HOXA13: variants seen among roughly 807,000 people sequenced by gnomAD.
The protein encoded by HOXA13 is homeobox A13.
Under a neutral mutation model 25.7 loss-of-function variants are expected in HOXA13, and 5 were observed. That is an observed-to-expected ratio of 0.19 (90% CI 0.10 to 0.41). The LOEUF is 0.41. HOXA13 is among the 10% of genes least tolerant of loss of function. The pLI is 1.00. For missense variants in HOXA13, 557 were observed against 533.5 expected (o/e 1.04, Z -0.43); for synonymous variants, 284 against 241.1 (o/e 1.18, Z -1.65).
Position 27,196,443 on chromosome 7 carries a change from TTG to T in HOXA13, c.*1753_*1754del, listed in dbSNP as rs1269062848. 1.3e-5 allele frequency: 2 copies of T among 152,230 alleles called. No homozygotes were observed. The highest frequency in any genetic ancestry group is 2.9e-5 in the Non-Finnish European group (2 of 68,030). The allele number at this position is 152,230 out of a possible 1,614,324, so 9.4% of individuals were successfully genotyped here. On this transcript the variant is annotated 3_prime_UTR_variant, in exon 2 of 2. Coordinates refer to ENST00000649031, the MANE Select transcript of HOXA13 (RefSeq NM_000522.5). Reference sequence around the variant, plus strand: ...AGCTGTCAAAAGTCAAGGTCACAAATTGTCTTTTTTTTCGTCAAGGTCAAGGT... The same window carrying T: ...AGCTGTCAAAAGTCAAGGTCACAAATTCTTTTTTTTCGTCAAGGTCAAGGT...
Position 27,199,774 on chromosome 7 carries a change from C to T in HOXA13, c.304G>A (p.Ala102Thr). Residue 102 changes from alanine (A) to threonine (T), a missense_variant, in exon 1 of 2, where the codon GCG (alanine) becomes ACG (threonine). Ala to Thr is a moderately conservative substitution (Grantham distance 58). Coordinates refer to ENST00000649031, the MANE Select transcript of HOXA13 (RefSeq NM_000522.5). ...AHPAPLAPGA[A>T]SAYSSAPGEA... The stretch of plus-strand genomic sequence containing the variant: ...CCGGGGGCGCTGCTGTAGGCGGACG[C>T]GGCTCCTGGCGCCAAGGGCGCCGGG... The T allele has an allele frequency of 2.0e-6, 2 of 1,019,092 alleles. No homozygotes were observed. Among genetic ancestry groups the T allele is most frequent in the Non-Finnish European group, 2.4e-6 (2 of 845,874 alleles). The allele number at this position is 1,019,092 out of a possible 1,614,324, so 63.1% of individuals were successfully genotyped here.
chr7:27,198,999 G>A (rs1784045577), intron 1 of HOXA13, among the ~76,000 whole-genome samples, 157 bp downstream of exon 1: 1 of 152,174 alleles, frequency 6.6e-6, no homozygotes, highest in Non-Finnish European at 1.5e-5. Flanking sequence ...GGCAGTGCAG[G>A]CAGACCCAGC....
Position 27,197,925 on chromosome 7 carries a change from T to C in HOXA13, c.*273A>G. On this transcript the variant is annotated 3_prime_UTR_variant, in exon 2 of 2. Transcript: ENST00000649031. ...AGTAACTGCGTAACTTATCTGAAAT[T>C]GCGTATTTTGGGGGTTGACGTTTGA... is the stretch of plus-strand genomic sequence containing the variant. 3.9e-6 allele frequency: 2 copies of C among 507,556 alleles called. No homozygotes were observed. The highest frequency in any genetic ancestry group is 4.4e-5 in the South Asian group (2 of 45,760). 31.4% of individuals were successfully genotyped at this position (507,556 alleles called of 1,614,324 possible).
At chr7:27,198,812 A>G (rs1267636202) in intron 1 of HOXA13, 2 of 428,866 alleles carry the variant, frequency 4.7e-6, no homozygotes, top group South Asian at 5.2e-5. Context: ...CACTGAAGCC[A>G]TTTTTGAGAG....
Position 27,199,976 on chromosome 7 carries a change from G to A in HOXA13, c.102C>T (p.Asn34=). 1 of 1,457,516 alleles carries A rather than the reference G, an allele frequency of 6.9e-7. No individual in the cohort carries two copies. The highest frequency in any genetic ancestry group is 1.3e-5 in the South Asian group (1 of 78,686). 90.3% of individuals were successfully genotyped at this position (1,457,516 alleles called of 1,614,324 possible). The change falls in exon 1 of 2, where the codon AAC becomes AAT. Residue 34 remains asparagine, a synonymous_variant. Coordinates refer to ENST00000649031, the MANE Select transcript of HOXA13 (RefSeq NM_000522.5). The part of the protein sequence containing the change: ...GGLVADELNK[N]MEGAAAAAAA... ...CTGCAGCCGCCGCCGCCCCTTCCAT[G>A]TTCTTGTTGAGCTCGTCGGCCACCA... is the stretch of plus-strand genomic sequence containing the variant.
rs1278990005 is a variant in HOXA13, at chr7:27,199,887, G to A, written c.191C>T (p.Ala64Val). 1.4e-5 allele frequency: 15 copies of A among 1,074,886 alleles called. No individual in the cohort carries two copies. The East Asian group carries it at 7.6e-4, about 54-fold the overall frequency. The allele number at this position is 1,074,886 out of a possible 1,614,324, so 66.6% of individuals were successfully genotyped here. The change falls in exon 1 of 2, where the codon GCG (alanine) becomes GTG (valine). Residue 64 changes from alanine (A) to valine (V), a missense_variant. Ala to Val is a moderately conservative substitution (Grantham distance 64). Transcript: ENST00000649031. The part of the protein sequence containing the change: ...GGGGFPHPAA[A>V]AAGGNFSVAA... ...CACCGAGAAGTTGCCCCCTGCCGCCGCAGCCGCCGGGTGGGGGAAGCCCCC... is the reference window on the plus strand; with the variant it reads ...CACCGAGAAGTTGCCCCCTGCCGCCACAGCCGCCGGGTGGGGGAAGCCCCC...
Position 27,197,525 on chromosome 7 carries a change from A to T in HOXA13, c.*673T>A, listed in dbSNP as rs1784017461. ...AATTAAAAATTATTCTTAAAAAGAC[A>T]TTACCGACCCGGGTTCTCTTGTAGC... On this transcript the variant is annotated 3_prime_UTR_variant, in exon 2 of 2. Transcript: ENST00000649031. 9.3e-6 allele frequency: 2 copies of T among 214,142 alleles called. No individual in the cohort carries two copies. Among genetic ancestry groups the T allele is most frequent in the African/African-American group, 4.5e-5 (2 of 44,270 alleles). The allele number at this position is 214,142 out of a possible 1,614,324, so 13.3% of individuals were successfully genotyped here.
In HOXA13 at chr7:27,199,829, C is replaced by CGCG; in HGVS notation, c.246_248dup (p.Ala84dup). ...CCATCAGGTTGCGGCACTGGTTGGC[C>CGCG]GCGGCCGCCGCCGCAGCCGCGGCCG... On this transcript the variant is annotated inframe_insertion, in exon 1 of 2. Transcript: ENST00000649031. The CGCG allele has an allele frequency of 1.0e-6, 1 of 989,502 alleles. No homozygotes were observed. Among genetic ancestry groups the CGCG allele is most frequent in the Non-Finnish European group, 1.2e-6 (1 of 833,920 alleles). The allele number at this position is 989,502 out of a possible 1,614,324, so 61.3% of individuals were successfully genotyped here. A position where few individuals can be genotyped will look rare whatever the true frequency, so the allele number is the denominator to read the frequency against.
chr7:27,200,091 T>A lies in HOXA13; in HGVS notation c.-14A>T. 6.9e-7 allele frequency: 1 copy of A among 1,444,754 alleles called. No homozygotes were observed. The highest frequency in any genetic ancestry group is 9.3e-7 in the Non-Finnish European group (1 of 1,080,588). The allele number at this position is 1,444,754 out of a possible 1,614,324, so 89.5% of individuals were successfully genotyped here. A position where few individuals can be genotyped will look rare whatever the true frequency, so the allele number is the denominator to read the frequency against. ...GGAGGCTGTCATAGCCCGAGCCGCA[T>A]GGAGAAGACCCCAGTGGCGCTGTTT... On this transcript the variant is annotated 5_prime_UTR_variant, in exon 1 of 2. It removes an upstream start codon present in the reference 5' UTR. Coordinates refer to ENST00000649031, the MANE Select transcript of HOXA13 (RefSeq NM_000522.5).
intron 1 of HOXA13, 110 bp from the exon 2 acceptor site, chr7:27,198,552 A>T: frequency 1.0e-5 from 13 of 1,295,032 alleles, no homozygotes; most frequent in Non-Finnish European, 1.4e-5. Context: ...GCTCTTTGCC[A>T]CCCGCTGTAC....
Position 27,199,677 on chromosome 7 carries a change from G to C in HOXA13, c.401C>G (p.Ser134Trp), listed in dbSNP as rs1784065590. Residue 134 changes from serine (S) to tryptophan (W), a missense_variant, in exon 1 of 2, where the codon TCG (serine) becomes TGG (tryptophan). Coordinates refer to ENST00000649031, the MANE Select transcript of HOXA13 (RefSeq NM_000522.5). ...AAAAAAAAAA[S>W]SSGGPGPAGP... ...CGCCGGGCCGGGACCTCCCGAGGAC[G>C]ACGCGGCGGCGGCGGCGGCGGCTGC... 2.6e-6 allele frequency: 3 copies of C among 1,175,832 alleles called. No individual in the cohort carries two copies. The highest frequency in any genetic ancestry group is 4.7e-5 in the Admixed American group (1 of 21,486). The allele number at this position is 1,175,832 out of a possible 1,614,324, so 72.8% of individuals were successfully genotyped here. A position where few individuals can be genotyped will look rare whatever the true frequency, so the allele number is the denominator to read the frequency against.
chr7:27,196,949 T>C lies in HOXA13; in HGVS notation c.*1249A>G, dbSNP rs951933967. ...CTACAGGTCTAAGGGTTTTTTTTTT[T>C]CATTTTTAGTAGAAATATTTAAAAA... On this transcript the variant is annotated 3_prime_UTR_variant, in exon 2 of 2. Transcript: ENST00000649031. 9 of 178,196 alleles carry C rather than the reference T, an allele frequency of 5.1e-5. No individual in the cohort carries two copies. Among genetic ancestry groups the C allele is most frequent in the African/African-American group, 2.2e-4 (9 of 40,890 alleles). 11.0% of individuals were successfully genotyped at this position (178,196 alleles called of 1,614,324 possible). A position where few individuals can be genotyped will look rare whatever the true frequency, so the allele number is the denominator to read the frequency against.
In HOXA13 at chr7:27,199,344, G is replaced by A; in HGVS notation, c.734C>T (p.Pro245Leu). Residue 245 changes from proline to leucine, a missense_variant, in exon 1 of 2, where the codon CCC becomes CTC. Coordinates refer to ENST00000649031, the MANE Select transcript of HOXA13 (RefSeq NM_000522.5). ...YAAGPYHHHQ[P>L]MPGYLDMPVV... ...TGGCATATCCAGGTAGCCAGGCATG[G>A]GCTGATGGTGGTGGTAAGGCCCGGC... 1.9e-6 allele frequency: 3 copies of A among 1,614,108 alleles called. No homozygotes were observed. The highest frequency in any genetic ancestry group is 2.5e-6 in the Non-Finnish European group (3 of 1,179,992).
rs1214885590 is a variant in HOXA13 at position 27,198,433 on chromosome 7, G to A, written c.932C>T (p.Ser311Phe). 4 of 1,613,974 alleles carry A rather than the reference G, an allele frequency of 2.5e-6. No individual in the cohort carries two copies. Among genetic ancestry groups the A allele is most frequent in the Non-Finnish European group, 2.5e-6 (3 of 1,180,034 alleles). Residue 311 changes from serine to phenylalanine, a missense_variant, in exon 2 of 2, where the codon TCC (serine) becomes TTC (phenylalanine). By Grantham distance (155) the Ser-to-Phe change is radical. Transcript: ENST00000649031. Reference sequence around the variant, plus strand: ...ATAGGAGCTGGCATCCGAGGGATGGGAGACCACGTCTAGAAGACAAGGGAG... The same window carrying A: ...ATAGGAGCTGGCATCCGAGGGATGGAAGACCACGTCTAGAAGACAAGGGAG... ...LWKSTLPDVV[S>F]HPSDASSYRR...
At position 27,198,965 on chromosome 7, in the gene HOXA13, G is replaced by C. The variant is rs538981525; in HGVS notation, c.922+191C>G. ...CCACAAGCCACCCCTCACCCAGGGAGAGCCAGGGACCAGCTCAACTCGAGG... is the reference window on the plus strand; with the variant it reads ...CCACAAGCCACCCCTCACCCAGGGACAGCCAGGGACCAGCTCAACTCGAGG... On this transcript the variant is annotated intron_variant, in intron 1 of 1. Transcript: ENST00000649031. Among the ~76,000 whole-genome samples, 7 of 152,282 alleles carry C rather than the reference G, an allele frequency of 4.6e-5. No homozygotes were observed. The East Asian group carries it at 1.4e-3, about 29-fold the overall frequency.
chr7:27,195,834 A>G lies in HOXA13; in HGVS notation c.*2364T>C, dbSNP rs1449852727. On this transcript the variant is annotated 3_prime_UTR_variant, in exon 2 of 2. Coordinates refer to ENST00000649031, the MANE Select transcript of HOXA13 (RefSeq NM_000522.5). ...TCTAGAACTCTAGACTTAGCAAGGCATCTGAATCTTAATTTGCTGTAAAGA... is the reference window on the plus strand; with the variant it reads ...TCTAGAACTCTAGACTTAGCAAGGCGTCTGAATCTTAATTTGCTGTAAAGA... 2 of 152,236 alleles carry G rather than the reference A, an allele frequency of 1.3e-5. No homozygotes were observed. The highest frequency in any genetic ancestry group is 2.9e-5 in the Non-Finnish European group (2 of 68,028). The allele number at this position is 152,236 out of a possible 1,614,324, so 9.4% of individuals were successfully genotyped here. A position where few individuals can be genotyped will look rare whatever the true frequency, so the allele number is the denominator to read the frequency against.
Position 27,196,191 on chromosome 7 carries a change from C to A in HOXA13, c.*2007G>T, listed in dbSNP as rs1201011860. On this transcript the variant is annotated 3_prime_UTR_variant, in exon 2 of 2. Transcript: ENST00000649031. ...ACAAGCACACACAAGCACTAATATG[C>A]AAATGTATACATGTGTACACATATT... is the stretch of plus-strand genomic sequence containing the variant. 6.6e-6 allele frequency: 1 copy of A among 152,082 alleles called. No homozygotes were observed. Among genetic ancestry groups the A allele is most frequent in the African/African-American group, 2.4e-5 (1 of 41,404 alleles). 9.4% of individuals were successfully genotyped at this position (152,082 alleles called of 1,614,324 possible). A position where few individuals can be genotyped will look rare whatever the true frequency, so the allele number is the denominator to read the frequency against.
In HOXA13 at chr7:27,198,219, G is replaced by C. The variant is rs1414416807; in HGVS notation, c.1146C>G (p.Asn382Lys). ...TCCATTAACTAGTGGTTTTCAGTTTGTTGATGACTTTTTTCTCTTTAACCC... is the reference window on the plus strand; with the variant it reads ...TCCATTAACTAGTGGTTTTCAGTTTCTTGATGACTTTTTTCTCTTTAACCC... Reference protein sequence around the residue: ...NRRVKEKKVINKLKTTS With the variant: ...NRRVKEKKVIKKLKTTS Residue 382 changes from asparagine (N) to lysine (K), a missense_variant, in exon 2 of 2, where the codon AAC (asparagine) becomes AAG (lysine). By Grantham distance (94) the Asn-to-Lys change is moderately conservative. Coordinates refer to ENST00000649031, the MANE Select transcript of HOXA13 (RefSeq NM_000522.5). 1.2e-6 allele frequency: 2 copies of C among 1,614,028 alleles called. No individual in the cohort carries two copies. The highest frequency in any genetic ancestry group is 2.2e-5 in the South Asian group (2 of 91,084).
At position 27,197,494 on chromosome 7, in the gene HOXA13, A is replaced by G. The variant is rs1784017052; in HGVS notation, c.*704T>C. 1 of 211,314 alleles carries G rather than the reference A, an allele frequency of 4.7e-6. No individual in the cohort carries two copies. Among genetic ancestry groups the G allele is most frequent in the African/African-American group, 2.3e-5 (1 of 44,170 alleles). The allele number at this position is 211,314 out of a possible 1,614,324, so 13.1% of individuals were successfully genotyped here. ...TCAAATGCCACAAAATATGCTTGTT[A>G]TAAGCAATTAAAAATTATTCTTAAA... On this transcript the variant is annotated 3_prime_UTR_variant, in exon 2 of 2. Transcript: ENST00000649031.
Sources: gnomAD v4.1 joint callset for allele counts (sites outside exome capture counted in the v4.1 genomes callset) on GRCh38, gnomAD v4.1.1 for gene constraint, MANE v1.5 for transcripts, NCBI Gene and HGNC (gene_info 2026-07-23, HGNC 2026-07-21) for gene names.